TMEM87B: variants seen among roughly 807,000 people sequenced by gnomAD.
The protein encoded by TMEM87B is transmembrane protein 87B.
TMEM87B carries 83 observed loss-of-function variants against 80.3 expected under a neutral mutation model. The ratio of observed to expected loss-of-function variants is 1.03; its 90% CI spans 0.87 to 1.24. TMEM87B has a LOEUF of 1.24. TMEM87B is among the 50% of genes most tolerant of loss of function. The pLI, the probability that TMEM87B is intolerant of heterozygous loss-of-function variation, is 0.00. For synonymous variants in TMEM87B, 219 were observed against 230.5 expected, an observed-to-expected ratio of 0.95 and a Z score of 0.45; for missense variants, 625 against 674.4, an observed-to-expected ratio of 0.93 and a Z score of 0.81.
rs1219489370 is a variant in TMEM87B, at chr2:112,097,467, C to T, written c.1272+176C>T. On this transcript the variant is annotated intron_variant, in intron 13 of 18. Transcript: ENST00000283206. ...TTTGGCTGGGCGCGGTGGCTCACGC[C>T]TGTAATCTCAGCACTCTGGGAGGCC... Among the ~76,000 whole-genome samples the T allele has an allele frequency of 2.6e-5, 4 of 152,094 alleles. No homozygotes were observed. The South Asian group carries it at 8.3e-4, about 32-fold the overall frequency.
intron 6 of TMEM87B, 33 bp downstream of exon 6, chr2:112,077,315 G>T: frequency 8.3e-7 from 1 of 1,204,098 alleles, no homozygotes; most frequent in Admixed American, 2.2e-5. Flanking sequence ...TTTACTGTCT[G>T]CATTTTCTGT....
intron 8 of TMEM87B, among the ~76,000 whole-genome samples, chr2:112,082,177 A>G (rs1044516748): frequency 4.6e-5 from 7 of 152,232 alleles, no homozygotes; most frequent in Admixed American, 2.0e-4. Flanking sequence ...GAGAGCTCAG[A>G]GAGGTTGAAG....
chr2:112,089,564 C>T, intron 9 of TMEM87B, 61 bp from the exon 10 acceptor site: 1 of 1,435,272 alleles, frequency 7.0e-7, no homozygotes, highest in Non-Finnish European at 9.8e-7. Context: ...TTACTGTATT[C>T]AGGTGCATTT....
chr2:112,082,421 A>C (rs1219836232), intron 8 of TMEM87B, among the ~76,000 whole-genome samples: 2 of 151,996 alleles, frequency 1.3e-5, no homozygotes, highest in African/African-American at 2.4e-5. Flanking sequence ...ATTTTGAAAT[A>C]CTCTAGAAAA....
Position 112,100,625 on chromosome 2 carries a change from T to C in TMEM87B, c.1380T>C (p.Tyr460=), listed in dbSNP as rs1679603650. Residue 460 remains tyrosine (Y), a synonymous_variant, in exon 15 of 19, where the codon TAT becomes TAC. Coordinates refer to ENST00000283206, the MANE Select transcript of TMEM87B (RefSeq NM_032824.3). Reference sequence around the variant, plus strand: ...CTACTCCTTGTTTTTGCTATAGATATGCCTTCATGCCCTTAATAGATGATT... The same window carrying C: ...CTACTCCTTGTTTTTGCTATAGATACGCCTTCATGCCCTTAATAGATGATT... The part of the protein sequence containing the change: ...LWRPSANNQR[Y]AFMPLIDDSD... 1.2e-5 allele frequency: 20 copies of C among 1,606,716 alleles called. No homozygotes were observed. Among genetic ancestry groups the C allele is most frequent in the Non-Finnish European group, 1.7e-5 (20 of 1,175,298 alleles).
intron 2 of TMEM87B, among the ~76,000 whole-genome samples, chr2:112,060,677 C>CCCT (rs1678229187): frequency 6.6e-6 from 1 of 151,886 alleles, no homozygotes; most frequent in Non-Finnish European, 1.5e-5. Context: ...GCTGAGATTA[C>CCCT]AGGCGAACGC....
chr2:112,112,045 G>A (rs987847495), intron 17 of TMEM87B, among the ~76,000 whole-genome samples: 1 of 152,086 alleles, frequency 6.6e-6, no homozygotes, highest in African/African-American at 2.4e-5. Flanking sequence ...CAAACAGTCT[G>A]CCTTGCCTCC....
chr2:112,079,752 A>G (rs767946731), intron 6 of TMEM87B, among the ~76,000 whole-genome samples: 39 of 152,136 alleles, frequency 2.6e-4, no homozygotes, highest in Admixed American at 8.5e-4. Flanking sequence ...CCACATCTTC[A>G]TCAGCACTTA....
At chr2:112,080,124 T>G (rs1231247064) in intron 6 of TMEM87B, among the ~76,000 whole-genome samples, 1 of 151,974 alleles carries the variant, frequency 6.6e-6, no homozygotes, top group Non-Finnish European at 1.5e-5. Flanking sequence ...GAGACGGGTT[T>G]CACCATGTTG....
intron 18 of TMEM87B, among the ~76,000 whole-genome samples, chr2:112,113,647 G>A (rs1160424606): frequency 6.6e-6 from 1 of 151,398 alleles, no homozygotes; most frequent in Non-Finnish European, 1.5e-5. Flanking sequence ...TAGCATTACA[G>A]AAAGATTCAT....
chr2:112,092,404 G>T (rs1267641384), intron 11 of TMEM87B, among the ~76,000 whole-genome samples: 1 of 152,208 alleles, frequency 6.6e-6, no homozygotes. Flanking sequence ...GGGTGGCAGG[G>T]CATGCTCAAG....
intron 7 of TMEM87B, 82 bp from the exon 8 acceptor site, chr2:112,081,253 G>C: frequency 6.9e-7 from 1 of 1,447,174 alleles, no homozygotes; most frequent in Admixed American, 2.0e-5. Context: ...GGAAAATGAA[G>C]GGTTGGATAC....
Position 112,066,953 on chromosome 2 carries a change from T to C in TMEM87B, c.336T>C (p.His112=), listed in dbSNP as rs145363374. 1.2e-6 allele frequency: 2 copies of C among 1,605,668 alleles called. No homozygotes were observed. The highest frequency in any genetic ancestry group is 2.7e-5 in the African/African-American group (2 of 74,494). ...TTATATAGGAGCTGTTCCAAAAACATAAACTTAGTGTTGATGAAGACTTTT... is the reference window on the plus strand; with the variant it reads ...TTATATAGGAGCTGTTCCAAAAACACAAACTTAGTGTTGATGAAGACTTTT... ...HSNLEELFQK[H]KLSVDEDFCH... is the part of the protein sequence containing the mutation. Residue 112 remains histidine (H), a synonymous_variant, in exon 4 of 19, where the codon CAT becomes CAC. Coordinates refer to ENST00000283206, the MANE Select transcript of TMEM87B (RefSeq NM_032824.3).
In TMEM87B at chr2:112,107,317, C is replaced by T. The variant is rs369669926; in HGVS notation, c.1525-471C>T. Among the ~76,000 whole-genome samples the T allele has an allele frequency of 7.4e-4, 109 of 147,798 alleles. No homozygotes were observed. In the Middle Eastern group the frequency reaches 0.017, roughly 24 times the overall value. On this transcript the variant is annotated intron_variant, in intron 16 of 18. Coordinates refer to ENST00000283206, the MANE Select transcript of TMEM87B (RefSeq NM_032824.3). ...AGGTTGCAGTGAGCCAAGATCACAC[C>T]GCTGCACTCCAGCCTGGGCGACAGA... is the stretch of plus-strand genomic sequence containing the variant.
At chr2:112,078,401 G>A (rs377619897) in intron 6 of TMEM87B, among the ~76,000 whole-genome samples, 1 of 152,160 alleles carries the variant, frequency 6.6e-6, no homozygotes, top group African/African-American at 2.4e-5. Context: ...AGGGCAGGAA[G>A]CACAAAAGGG....
At chr2:112,087,020 T>G (rs930651042) in intron 9 of TMEM87B, among the ~76,000 whole-genome samples, 1 of 152,216 alleles carries the variant, frequency 6.6e-6, no homozygotes, top group Non-Finnish European at 1.5e-5. Flanking sequence ...AACATGTCGG[T>G]GTCAGTCTTT....
intron 17 of TMEM87B, 44 bp downstream of exon 17, chr2:112,107,884 T>A: frequency 7.2e-7 from 1 of 1,395,844 alleles, no homozygotes; most frequent in Non-Finnish European, 1.0e-6. Flanking sequence ...TTTTAGGCTG[T>A]AGTTTAAAAG....
chr2:112,069,720 T>G (rs1558831718), intron 4 of TMEM87B, among the ~76,000 whole-genome samples: 1 of 152,242 alleles, frequency 6.6e-6, no homozygotes, highest in Non-Finnish European at 1.5e-5. Context: ...ACGGTAGTTC[T>G]CTTTTCAGCT....
chr2:112,112,675 G>A (rs1009329818), intron 17 of TMEM87B, among the ~76,000 whole-genome samples: 10 of 152,260 alleles, frequency 6.6e-5, no homozygotes, highest in Admixed American at 2.0e-4. Context: ...TGAATAACCC[G>A]CAATTTACCC....
Sources: allele counts gnomAD v4.1 joint callset (sites outside exome capture counted in the v4.1 genomes callset), GRCh38; gene constraint gnomAD v4.1.1; transcripts MANE v1.5; gene names NCBI Gene and HGNC (gene_info 2026-07-23, HGNC 2026-07-21).